The following GCNT2 variants were observed in gnomAD, a reference collection of about 807,000 sequenced individuals.
GCNT2 encodes the protein glucosaminyl (N-acetyl) transferase 2 (I blood group).
A neutral mutation model predicts 34.2 loss-of-function variants in GCNT2; 34 were observed. The ratio of observed to expected loss-of-function variants is 1.00; its 90% CI spans 0.76 to 1.32. The LOEUF is 1.32. Among genes scored for constraint, GCNT2 ranks in the 40% most tolerant of loss-of-function variants. GCNT2 has a pLI of 0.00. For synonymous variants in GCNT2, 212 were observed against 188.0 expected, an observed-to-expected ratio of 1.13 and a Z score of -1.04; for missense variants, 584 against 489.4, an observed-to-expected ratio of 1.19 and a Z score of -1.82.
chr6:10,586,734 A>C (rs1561820037), intron 3 of GCNT2: 2 of 1,614,110 alleles, frequency 1.2e-6, no homozygotes, highest in Admixed American at 3.3e-5. Context: ...AAATACTAAT[A>C]TTTTGAAAAC....
intron 3 of GCNT2, among the ~76,000 whole-genome samples, chr6:10,549,561 CTCTTTT>C (rs1207691608): frequency 1.3e-4 from 15 of 111,316 alleles, no homozygotes; most frequent in African/African-American, 4.2e-4. Flanking sequence ...CAATCTCTCT[CTCTTTT>C]TTTTTTTTTT....
intron 3 of GCNT2, among the ~76,000 whole-genome samples, chr6:10,618,764 C>G (rs1182014052): frequency 6.6e-6 from 1 of 152,100 alleles, no homozygotes; most frequent in Admixed American, 6.5e-5. Context: ...TTTAGATAGG[C>G]AAGCATCAAA....
chr6:10,524,603 CATAA>C (rs1346612469), intron 1 of GCNT2, among the ~76,000 whole-genome samples: 5 of 151,988 alleles, frequency 3.3e-5, no homozygotes, highest in Non-Finnish European at 7.4e-5. Flanking sequence ...AGAGAAAACA[CATAA>C]ATAAGAAAGA....
chr6:10,529,485 G>C lies in GCNT2; in HGVS notation c.574G>C (p.Gly192Arg). ...CTGGAAGTATGTCATCAACACCTGC[G>C]GGCAAGACTTTCCCCTGAAAACCAA... The part of the protein sequence containing the change: ...VPWKYVINTC[G>R]QDFPLKTNRE... The change falls in exon 3 of 5, where the codon GGG becomes CGG. Residue 192 changes from glycine (G) to arginine (R), a missense_variant. Physicochemically the swap from Gly to Arg is moderately radical, Grantham distance 125. Coordinates refer to ENST00000495262, the MANE Select transcript of GCNT2 (RefSeq NM_145649.5). The C allele has an allele frequency of 6.2e-7, 1 of 1,613,982 alleles. No individual in the cohort carries two copies. The highest frequency in any genetic ancestry group is 8.5e-7 in the Non-Finnish European group (1 of 1,179,974).
intron 3 of GCNT2, among the ~76,000 whole-genome samples, chr6:10,566,201 C>T (rs1451889546): frequency 2.0e-5 from 3 of 150,212 alleles, no homozygotes; most frequent in Non-Finnish European, 3.0e-5. Context: ...TTTTTTAATT[C>T]AGCTTAGAGT....
In GCNT2 at chr6:10,596,999, G is replaced by C. The variant is rs75524788; in HGVS notation, c.926-24352G>C. On this transcript the variant is annotated intron_variant, in intron 3 of 4. Transcript: ENST00000495262. ...ATGAAAGAATACAAACTTTGGAATA[G>C]GACAGATCTTTTGAATCCTAGGCCT... Among the ~76,000 whole-genome samples the C allele has an allele frequency of 1.3e-4, 20 of 152,196 alleles. No individual in the cohort carries two copies. In the East Asian group the frequency reaches 3.7e-3, roughly 28 times the overall value.
intron 3 of GCNT2, among the ~76,000 whole-genome samples, chr6:10,535,171 G>C (rs1309078261): frequency 6.6e-6 from 1 of 152,098 alleles, no homozygotes; most frequent in Non-Finnish European, 1.5e-5. Context: ...GTGACAGAGC[G>C]AGACTCCATC....
intron 3 of GCNT2, among the ~76,000 whole-genome samples, chr6:10,558,782 G>A (rs1451376262): frequency 1.3e-5 from 2 of 152,222 alleles, no homozygotes; most frequent in African/African-American, 4.8e-5. Flanking sequence ...TGAATCCCAG[G>A]GTGACTTTCC....
rs1037856558 is a variant in GCNT2, at chr6:10,622,948, C to T, written c.1018+1505C>T. Among the ~76,000 whole-genome samples, 8 of 151,462 alleles carry T rather than the reference C, an allele frequency of 5.3e-5. No individual in the cohort carries two copies. In the South Asian group the frequency reaches 1.7e-3, roughly 32 times the overall value. On this transcript the variant is annotated intron_variant, in intron 4 of 4. Coordinates refer to ENST00000495262, the MANE Select transcript of GCNT2 (RefSeq NM_145649.5). ...TTTTGTATTTTTAGTAGAGACGGGG[C>T]TTCACCATGTTGGCCAGGATGGTCT...
intron 3 of GCNT2, among the ~76,000 whole-genome samples, chr6:10,553,474 C>A (rs1412489779): frequency 6.6e-6 from 1 of 152,204 alleles, no homozygotes; most frequent in African/African-American, 2.4e-5. Flanking sequence ...TGGAGGAGGG[C>A]AATCTTTTCC....
chr6:10,578,726 G>A lies in GCNT2; in HGVS notation c.926-42625G>A, dbSNP rs151135512. ...CTCCCAAAGTACTGGGATTACAGGC[G>A]TGAGCCACTGCGCCCGGCCCGGAGC... On this transcript the variant is annotated intron_variant, in intron 3 of 4. Coordinates refer to ENST00000495262, the MANE Select transcript of GCNT2 (RefSeq NM_145649.5). Among the ~76,000 whole-genome samples, 1,138 of 152,202 alleles carry A rather than the reference G, an allele frequency of 7.5e-3. 15 individuals are homozygous for A. The highest frequency in any genetic ancestry group is 0.026 in the African/African-American group (1,091 of 41,524).
rs1766345912 is a variant in GCNT2 at position 10,628,123 on chromosome 6, G to A, written c.*1516G>A. 6.6e-6 allele frequency: 1 copy of A among 152,526 alleles called. No homozygotes were observed. Among genetic ancestry groups the A allele is most frequent in the Non-Finnish European group, 1.5e-5 (1 of 68,026 alleles). 9.4% of individuals were successfully genotyped at this position (152,526 alleles called of 1,614,324 possible). A position where few individuals can be genotyped will look rare whatever the true frequency, so the allele number is the denominator to read the frequency against. Reference sequence around the variant, plus strand: ...TCCTGAGGTGGATTTACTGAGAGAAGGTGAAATAAAGCCATATTTAGTATA... The same window carrying A: ...TCCTGAGGTGGATTTACTGAGAGAAAGTGAAATAAAGCCATATTTAGTATA... On this transcript the variant is annotated 3_prime_UTR_variant, in exon 5 of 5. Transcript: ENST00000495262.
chr6:10,560,672 G>T (rs533699546), intron 3 of GCNT2, among the ~76,000 whole-genome samples: 3 of 151,978 alleles, frequency 2.0e-5, no homozygotes, highest in Non-Finnish European at 4.4e-5. Flanking sequence ...AAATCGGTTC[G>T]AATTGGCGAG....
chr6:10,601,943 G>GAAAAAAAAAA (rs57927445), intron 3 of GCNT2, among the ~76,000 whole-genome samples: 6 of 113,042 alleles, frequency 5.3e-5, no homozygotes, highest in South Asian at 2.8e-4. Context: ...TCCATCTCAA[G>GAAAAAAAAAA]AAAAAAAAAA....
At chr6:10,581,405 G>A (rs1013327521) in intron 3 of GCNT2, among the ~76,000 whole-genome samples, 2 of 151,982 alleles carry the variant, frequency 1.3e-5, no homozygotes, top group African/African-American at 4.8e-5. Flanking sequence ...CTCGTAGCTG[G>A]GATTACAGGC....
chr6:10,557,781 C>G lies in GCNT2; in HGVS notation c.925+27945C>G, dbSNP rs1314658093. On this transcript the variant is annotated intron_variant, in intron 3 of 4. Transcript: ENST00000495262. Reference sequence around the variant, plus strand: ...TGCTGGGATTATAGCCATGAGCCACCATGCCTAGCCCAGAATGATGTTCTT... The same window carrying G: ...TGCTGGGATTATAGCCATGAGCCACGATGCCTAGCCCAGAATGATGTTCTT... 3.9e-5 allele frequency among the ~76,000 whole-genome samples: 6 copies of G among 152,342 alleles called. No homozygotes were observed. The East Asian group carries it at 1.2e-3, about 29-fold the overall frequency.
chr6:10,534,571 G>A (rs1038880020), intron 3 of GCNT2, among the ~76,000 whole-genome samples: 38 of 152,116 alleles, frequency 2.5e-4, no homozygotes, highest in African/African-American at 8.2e-4. Context: ...CTCAGGCTGC[G>A]GCTGACGTCT....
chr6:10,533,407 T>C lies in GCNT2; in HGVS notation c.925+3571T>C, dbSNP rs552002539. Among the ~76,000 whole-genome samples, 135 of 152,230 alleles carry C rather than the reference T, an allele frequency of 8.9e-4. 1 individual carries two copies. Among genetic ancestry groups the C allele is most frequent in the African/African-American group, 2.8e-3 (118 of 41,548 alleles). ...GCACTGCCCAATAGGAATGCTATAA[T>C]GGGAGCCATAGATCTAAAATCAAAT... On this transcript the variant is annotated intron_variant, in intron 3 of 4. Transcript: ENST00000495262.
chr6:10,606,527 T>A (rs1413752737), intron 3 of GCNT2, among the ~76,000 whole-genome samples: 1 of 152,040 alleles, frequency 6.6e-6, no homozygotes, highest in African/African-American at 2.4e-5. Context: ...CAGAAACATA[T>A]GATAAAGCAA....
Sources: gnomAD v4.1 joint callset for allele counts (sites outside exome capture counted in the v4.1 genomes callset) on GRCh38, gnomAD v4.1.1 for gene constraint, MANE v1.5 for transcripts, NCBI Gene and HGNC (gene_info 2026-07-23, HGNC 2026-07-21) for gene names.